Variants in SLC24A3 observed in about 807,000 individuals in gnomAD.
SLC24A3 encodes sodium/potassium/calcium exchanger 3.
In SLC24A3, 28 loss-of-function variants were observed where a neutral mutation model predicts 75.8. That is an observed-to-expected ratio of 0.37 (90% confidence interval 0.27 to 0.51). SLC24A3 has a LOEUF of 0.51. Ranked by LOEUF, SLC24A3 falls within the 20% of genes least tolerant of loss-of-function variation. The pLI is 0.94. For synonymous variants in SLC24A3, 372 were observed against 334.1 expected, an observed-to-expected ratio of 1.11 and a Z score of -1.24; for missense variants, 663 against 847.8, an observed-to-expected ratio of 0.78 and a Z score of 2.71.
chr20:19,342,877 T>C (rs954080388), intron 2 of SLC24A3, among the ~76,000 whole-genome samples: 21 of 152,006 alleles, frequency 1.4e-4, no homozygotes, highest in African/African-American at 5.1e-4. Context: ...GAGACCATCC[T>C]GGCTAACATG....
rs373557854 is a variant in SLC24A3 at position 19,584,238 on chromosome 20, G to A, written c.424-733G>A. On this transcript the variant is annotated intron_variant, in intron 4 of 16. Transcript: ENST00000328041. ...CTGGAGAGCTCATTGTATAAACCCC[G>A]TCTTGGCAGGGCTGATGCCTCATTA... 1.5e-4 allele frequency among the ~76,000 whole-genome samples: 23 copies of A among 152,232 alleles called. 1 individual carries two copies. The highest frequency in any genetic ancestry group is 4.8e-4 in the African/African-American group (20 of 41,550).
chr20:19,687,877 C>T (rs909465344), intron 12 of SLC24A3, among the ~76,000 whole-genome samples: 3 of 152,172 alleles, frequency 2.0e-5, no homozygotes, highest in Non-Finnish European at 4.4e-5. Context: ...ATGGAGGCCT[C>T]AGACCTTCCA....
At chr20:19,613,121 C>A (rs1017506256) in intron 6 of SLC24A3, among the ~76,000 whole-genome samples, 14 of 152,124 alleles carry the variant, frequency 9.2e-5, no homozygotes, top group African/African-American at 3.4e-4. Flanking sequence ...TCACACACGT[C>A]CCCACCCAGA....
chr20:19,604,271 G>A (rs1187348602), intron 6 of SLC24A3, among the ~76,000 whole-genome samples: 1 of 151,524 alleles, frequency 6.6e-6, no homozygotes, highest in African/African-American at 2.5e-5. Flanking sequence ...CACCACAGAT[G>A]GGAAGGGAAC....
At chr20:19,486,793 G>A (rs1020482288) in intron 2 of SLC24A3, among the ~76,000 whole-genome samples, 4 of 152,232 alleles carry the variant, frequency 2.6e-5, no homozygotes, top group African/African-American at 9.6e-5. Flanking sequence ...GTGGAAGGAT[G>A]TGGATTCCAC....
intron 7 of SLC24A3, among the ~76,000 whole-genome samples, chr20:19,657,775 G>A (rs965003915): frequency 2.6e-4 from 36 of 139,898 alleles, no homozygotes; most frequent in African/African-American, 8.9e-4. Flanking sequence ...GAGGCTACAG[G>A]TCGCACGCAC....
intron 6 of SLC24A3, among the ~76,000 whole-genome samples, chr20:19,633,644 G>A (rs1241899405): frequency 1.2e-5 from 1 of 82,502 alleles, no homozygotes; most frequent in African/African-American, 4.6e-5. Flanking sequence ...GCGAGACTCC[G>A]TCTCAAAAAA....
At chr20:19,267,732 C>T (rs1174155814) in intron 1 of SLC24A3, among the ~76,000 whole-genome samples, 1 of 152,148 alleles carries the variant, frequency 6.6e-6, no homozygotes, top group Non-Finnish European at 1.5e-5. Context: ...TCAAAATGCT[C>T]TCTCCATAGA....
At chr20:19,543,977 C>G (rs1196774975) in intron 3 of SLC24A3, among the ~76,000 whole-genome samples, 1 of 152,136 alleles carries the variant, frequency 6.6e-6, no homozygotes, top group Non-Finnish European at 1.5e-5. Flanking sequence ...TTATCCCAAA[C>G]AGTTTTGGAA....
chr20:19,216,672 CAT>C (rs1302645510), intron 1 of SLC24A3, among the ~76,000 whole-genome samples: 5 of 144,872 alleles, frequency 3.5e-5, no homozygotes, highest in African/African-American at 7.5e-5. Flanking sequence ...TATACACACA[CAT>C]ATGTACATAT....
chr20:19,214,540 G>T (rs1246666595), intron 1 of SLC24A3, among the ~76,000 whole-genome samples: 3 of 152,076 alleles, frequency 2.0e-5, no homozygotes, highest in Non-Finnish European at 4.4e-5. Context: ...GTATGTTGGG[G>T]CTCTATGAGA....
At chr20:19,241,964 C>G (rs16980241) in intron 1 of SLC24A3, among the ~76,000 whole-genome samples, 20,327 of 152,184 alleles carry the variant, frequency 0.13, 1,382 homozygotes, top group African/African-American at 0.16. Context: ...GGCAGCGAGT[C>G]TGAATGCCTC....
Position 19,453,042 on chromosome 20 carries a change from G to A in SLC24A3, c.272-62446G>A, listed in dbSNP as rs1042299794. 5.9e-5 allele frequency among the ~76,000 whole-genome samples: 9 copies of A among 152,204 alleles called. No homozygotes were observed. In the East Asian group the frequency reaches 1.2e-3, roughly 20 times the overall value. ...ACTAACAATACAAAAATTTGCCTGC[G>A]TGGTGGCGGGCGCCTGTAATCCCAG... On this transcript the variant is annotated intron_variant, in intron 2 of 16. Transcript: ENST00000328041.
chr20:19,516,469 GT>G (rs1347727714), intron 3 of SLC24A3, among the ~76,000 whole-genome samples: 1 of 152,230 alleles, frequency 6.6e-6, no homozygotes, highest in Admixed American at 6.5e-5. Flanking sequence ...TTGTTCTTGG[GT>G]TGTTTGTGTT....
chr20:19,375,131 G>A (rs1568602792), intron 2 of SLC24A3, among the ~76,000 whole-genome samples: 1 of 152,064 alleles, frequency 6.6e-6, no homozygotes, highest in Non-Finnish European at 1.5e-5. Context: ...TCAATCACCT[G>A]TACTGAAATC....
At chr20:19,532,604 T>C (rs570107069) in intron 3 of SLC24A3, among the ~76,000 whole-genome samples, 2 of 152,200 alleles carry the variant, frequency 1.3e-5, no homozygotes, top group South Asian at 2.1e-4. Flanking sequence ...TTGCTACCTT[T>C]GGCAAGCACT....
At chr20:19,499,787 T>C (rs1168771083) in intron 2 of SLC24A3, among the ~76,000 whole-genome samples, 1 of 152,214 alleles carries the variant, frequency 6.6e-6, no homozygotes, top group African/African-American at 2.4e-5. Context: ...CATACATGCA[T>C]ACCTATATTT....
intron 1 of SLC24A3, among the ~76,000 whole-genome samples, chr20:19,234,888 A>G (rs766561606): frequency 3.9e-5 from 6 of 152,224 alleles, no homozygotes; most frequent in Non-Finnish European, 4.4e-5. Flanking sequence ...ATCTGCTCCC[A>G]GGAGAAGGTG....
At chr20:19,583,699 T>G (rs1600290137) in intron 4 of SLC24A3, among the ~76,000 whole-genome samples, 1 of 152,176 alleles carries the variant, frequency 6.6e-6, no homozygotes, top group South Asian at 2.1e-4. Context: ...TCCTGGCAGG[T>G]CTCGGCAAAC....
Sources: allele counts gnomAD v4.1 joint callset (sites outside exome capture counted in the v4.1 genomes callset), GRCh38; gene constraint gnomAD v4.1.1; transcripts MANE v1.5; gene names NCBI Gene and HGNC (gene_info 2026-07-23, HGNC 2026-07-21).